Variants in GRID2 observed in about 807,000 individuals in gnomAD.
The protein encoded by GRID2 is glutamate receptor ionotropic, delta-2.
In GRID2, 33 loss-of-function variants were observed where a neutral mutation model predicts 114.8. The ratio of observed to expected loss-of-function variants is 0.29; its 90% confidence interval spans 0.22 to 0.38. The LOEUF (loss-of-function observed/expected upper bound fraction) is 0.38, where lower values mean the gene tolerates loss of function less well. Ranked by LOEUF, GRID2 falls within the 10% of genes least tolerant of loss-of-function variation. The pLI is 1.00. For missense variants in GRID2, 1,184 were observed against 1,257.7 expected (o/e 0.94, Z 0.89); for synonymous variants, 505 against 449.9 (o/e 1.12, Z -1.55).
intron 8 of GRID2, among the ~76,000 whole-genome samples, chr4:93,339,126 A>G (rs1451420607): frequency 1.3e-5 from 2 of 152,156 alleles, no homozygotes; most frequent in Non-Finnish European, 2.9e-5. Flanking sequence ...ATTAGCATTT[A>G]TTGTTGCTAA....
intron 2 of GRID2, among the ~76,000 whole-genome samples, chr4:93,078,922 A>G (rs945734410): frequency 4.1e-5 from 6 of 147,284 alleles, no homozygotes; most frequent in African/African-American, 1.5e-4. Flanking sequence ...AATTTTATAT[A>G]TAAATTTTAT....
intron 2 of GRID2, among the ~76,000 whole-genome samples, chr4:92,620,995 CAAAA>C (rs67388525): frequency 2.7e-5 from 3 of 112,284 alleles, no homozygotes; most frequent in Admixed American, 9.1e-5. Flanking sequence ...TAAAGAATGC[CAAAA>C]AAAAAAAAAA....
At chr4:93,019,239 A>T (rs1723050582) in intron 2 of GRID2, among the ~76,000 whole-genome samples, 2 of 152,190 alleles carry the variant, frequency 1.3e-5, no homozygotes, top group African/African-American at 2.4e-5. Flanking sequence ...ACATATACAT[A>T]CTAGAAGAAT....
intron 2 of GRID2, among the ~76,000 whole-genome samples, chr4:92,792,162 C>A (rs1739620210): frequency 6.6e-6 from 1 of 151,716 alleles, no homozygotes; most frequent in Non-Finnish European, 1.5e-5. Flanking sequence ...ATTTACTGTG[C>A]AGCTTTAAGC....
intron 2 of GRID2, among the ~76,000 whole-genome samples, chr4:92,955,984 G>A (rs1469624607): frequency 2.0e-5 from 3 of 152,122 alleles, no homozygotes; most frequent in African/African-American, 4.8e-5. Context: ...CTCACAAAGT[G>A]CTGGGATCAC....
intron 13 of GRID2, among the ~76,000 whole-genome samples, chr4:93,583,037 G>C (rs1212896690): frequency 6.6e-6 from 1 of 152,098 alleles, no homozygotes; most frequent in African/African-American, 2.4e-5. Flanking sequence ...GTGGCTCCAG[G>C]CATTCCTTGG....
chr4:93,754,258 G>C (rs1444871463), intron 14 of GRID2, among the ~76,000 whole-genome samples: 1 of 152,134 alleles, frequency 6.6e-6, no homozygotes, highest in African/African-American at 2.4e-5. Context: ...GTGTGTTGCA[G>C]CTCAGGCACT....
chr4:92,798,989 A>C (rs576742471), intron 2 of GRID2, among the ~76,000 whole-genome samples: 2 of 152,094 alleles, frequency 1.3e-5, no homozygotes, highest in African/African-American at 4.8e-5. Flanking sequence ...AGCCTTTTTG[A>C]CACCAGGGAT....
intron 8 of GRID2, among the ~76,000 whole-genome samples, chr4:93,301,374 T>TA (rs1579597821): frequency 2.0e-5 from 3 of 152,178 alleles, no homozygotes; most frequent in African/African-American, 7.2e-5. Context: ...CTTCCTAAAT[T>TA]AAAAAGTAGT....
intron 14 of GRID2, among the ~76,000 whole-genome samples, chr4:93,720,000 AT>A (rs1413074443): frequency 6.6e-6 from 1 of 152,048 alleles, no homozygotes; most frequent in African/African-American, 2.4e-5. Context: ...ACCCCACCTT[AT>A]TTTTTGATGA....
intron 11 of GRID2, among the ~76,000 whole-genome samples, chr4:93,473,580 C>A (rs1725044595): frequency 6.6e-6 from 1 of 151,938 alleles, no homozygotes. Flanking sequence ...ATCATTTGGA[C>A]AAAAGTGTTT....
intron 1 of GRID2, among the ~76,000 whole-genome samples, chr4:92,403,473 G>A (rs973441641): frequency 6.6e-5 from 10 of 151,808 alleles, no homozygotes; most frequent in African/African-American, 1.9e-4. Context: ...TGAAGCAGGC[G>A]GATTATGAGG....
At chr4:93,685,382 AAG>A (rs1297304551) in intron 14 of GRID2, among the ~76,000 whole-genome samples, 1 of 151,968 alleles carries the variant, frequency 6.6e-6, no homozygotes, top group Non-Finnish European at 1.5e-5. Context: ...CACATCCTCA[AAG>A]AGGTGTTCCT....
At chr4:92,844,521 A>G (rs1560633198) in intron 2 of GRID2, among the ~76,000 whole-genome samples, 2 of 152,032 alleles carry the variant, frequency 1.3e-5, no homozygotes, top group Non-Finnish European at 1.5e-5. Context: ...CCTGGGCGAC[A>G]GAGTGAGACT....
At chr4:93,560,774 T>A (rs1734846956) in intron 13 of GRID2, among the ~76,000 whole-genome samples, 1 of 152,164 alleles carries the variant, frequency 6.6e-6, no homozygotes, top group Admixed American at 6.6e-5. Context: ...GCCATAGGGA[T>A]GCCTAGCCTA....
At chr4:92,357,884 A>C (rs1056246501) in intron 1 of GRID2, among the ~76,000 whole-genome samples, 1 of 151,930 alleles carries the variant, frequency 6.6e-6, no homozygotes, top group Non-Finnish European at 1.5e-5. Context: ...GCTGATCACA[A>C]ATAACATGAT....
chr4:92,493,778 G>A (rs1184287209), intron 1 of GRID2, among the ~76,000 whole-genome samples: 1 of 151,982 alleles, frequency 6.6e-6, no homozygotes, highest in Non-Finnish European at 1.5e-5. Context: ...CTATCATTTT[G>A]AACAGTTTGA....
chr4:93,741,201 G>GTATATATATATATATATATA (rs1188641160), intron 14 of GRID2, among the ~76,000 whole-genome samples: 2 of 53,732 alleles, frequency 3.7e-5, no homozygotes, highest in Admixed American at 2.3e-4. Context: ...ATATATATAT[G>GTATATATATATATATATATA]TATATATATA....
chr4:92,476,978 G>A (rs948786464), intron 1 of GRID2, among the ~76,000 whole-genome samples: 2 of 150,958 alleles, frequency 1.3e-5, no homozygotes, highest in Non-Finnish European at 2.9e-5. Context: ...TTAAAACACT[G>A]TCATTCTTAG....
Sources: gnomAD v4.1 joint callset for allele counts (sites outside exome capture counted in the v4.1 genomes callset) on GRCh38, gnomAD v4.1.1 for gene constraint, MANE v1.5 for transcripts, NCBI Gene and HGNC (gene_info 2026-07-23, HGNC 2026-07-21) for gene names.